The following JAM2 variants were observed in gnomAD, a reference collection of about 807,000 sequenced individuals.
JAM2 encodes the protein junctional adhesion molecule B.
Under a neutral mutation model 42.0 loss-of-function variants are expected in JAM2, and 17 were observed. The observed-to-expected ratio is 0.40, with a 90% confidence interval of 0.28 to 0.61. The LOEUF (loss-of-function observed/expected upper bound fraction) is 0.61, where lower values mean the gene tolerates loss of function less well. Ranked by LOEUF, JAM2 falls within the 20% of genes least tolerant of loss-of-function variation. The pLI is 0.37. For missense variants in JAM2, 319 were observed against 358.3 expected (o/e 0.89, Z 0.89); for synonymous variants, 118 against 128.6 (o/e 0.92, Z 0.56).
chr21:25,697,173 T>C (rs2034056990), intron 4 of JAM2, among the ~76,000 whole-genome samples: 1 of 152,070 alleles, frequency 6.6e-6, no homozygotes, highest in Admixed American at 6.5e-5. Context: ...TATCTGACTT[T>C]TCCTTCTGTA....
chr21:25,679,505 G>A (rs2033578465), intron 1 of JAM2, among the ~76,000 whole-genome samples: 1 of 152,160 alleles, frequency 6.6e-6, no homozygotes, highest in African/African-American at 2.4e-5. Context: ...CATCACTTGG[G>A]GGCATGGTGA....
chr21:25,642,774 T>C (rs1263361309), intron 1 of JAM2, among the ~76,000 whole-genome samples: 1 of 152,220 alleles, frequency 6.6e-6, no homozygotes, highest in Non-Finnish European at 1.5e-5. Context: ...TAATAGTAGG[T>C]ATAAATATAT....
At chr21:25,684,672 T>C (rs1232411265) in intron 2 of JAM2, among the ~76,000 whole-genome samples, 1 of 152,172 alleles carries the variant, frequency 6.6e-6, no homozygotes, top group Non-Finnish European at 1.5e-5. Flanking sequence ...TGGCATGATC[T>C]CGGCTCACCG....
chr21:25,694,683 AT>A (rs765331972), intron 4 of JAM2, among the ~76,000 whole-genome samples: 15 of 151,710 alleles, frequency 9.9e-5, no homozygotes, highest in African/African-American at 2.2e-4. Context: ...CTAAAAAAAA[AT>A]AAATAAAAAG....
At chr21:25,694,658 C>T (rs2033956237) in intron 4 of JAM2, among the ~76,000 whole-genome samples, 1 of 151,800 alleles carries the variant, frequency 6.6e-6, no homozygotes, top group African/African-American at 2.4e-5. Context: ...TAGTGAGTCC[C>T]CTATATCGCT....
chr21:25,694,978 C>CT (rs369880449), intron 4 of JAM2, among the ~76,000 whole-genome samples: 27,402 of 141,674 alleles, frequency 0.19, 2,626 homozygotes, highest in South Asian at 0.27. Flanking sequence ...CTTTTTCTTT[C>CT]TTTTTTTTTT....
chr21:25,706,528 T>C (rs909694717), intron 7 of JAM2, among the ~76,000 whole-genome samples: 28 of 152,256 alleles, frequency 1.8e-4, no homozygotes, highest in East Asian at 9.6e-4. Flanking sequence ...TGTTCATTTA[T>C]TTTCTGCTAT....
rs558428645 is a variant in JAM2, at chr21:25,716,637, C to T, written c.*1965C>T. Reference sequence around the variant, plus strand: ...ACTACTTGACTCTGCCATTGTAGCACAAAGGCAGCCACAGACAAAACAAGC... The same window carrying T: ...ACTACTTGACTCTGCCATTGTAGCATAAAGGCAGCCACAGACAAAACAAGC... On this transcript the variant is annotated 3_prime_UTR_variant, in exon 10 of 10. Coordinates refer to ENST00000480456, the MANE Select transcript of JAM2 (RefSeq NM_021219.4). 1 of 152,318 alleles carries T rather than the reference C, an allele frequency of 6.6e-6. No individual in the cohort carries two copies. The highest frequency in any genetic ancestry group is 2.4e-5 in the African/African-American group (1 of 41,578). 9.4% of individuals were successfully genotyped at this position (152,318 alleles called of 1,614,324 possible).
At chr21:25,655,210 T>G (rs549392653) in intron 1 of JAM2, among the ~76,000 whole-genome samples, 1 of 152,130 alleles carries the variant, frequency 6.6e-6, no homozygotes, top group Admixed American at 6.5e-5. Context: ...CTTTATAACT[T>G]TAATCTGGAT....
chr21:25,706,754 T>G lies in JAM2; in HGVS notation c.805+668T>G, dbSNP rs570947510. On this transcript the variant is annotated intron_variant, in intron 7 of 9. Coordinates refer to ENST00000480456, the MANE Select transcript of JAM2 (RefSeq NM_021219.4). ...TTTTAAGATTTTTTTTTGTTTGTTTTTTTGAGACGGAGTCTCACTGTGTCG... is the reference window on the plus strand; with the variant it reads ...TTTTAAGATTTTTTTTTGTTTGTTTGTTTGAGACGGAGTCTCACTGTGTCG... 3.3e-5 allele frequency among the ~76,000 whole-genome samples: 5 copies of G among 152,298 alleles called. No individual in the cohort carries two copies. The East Asian group carries it at 5.8e-4, about 18-fold the overall frequency.
intron 5 of JAM2, among the ~76,000 whole-genome samples, chr21:25,701,127 C>T (rs975578238): frequency 6.6e-6 from 1 of 152,168 alleles, no homozygotes; most frequent in African/African-American, 2.4e-5. Flanking sequence ...TTTTAATTAC[C>T]AGCTATAATA....
At chr21:25,677,647 T>A (rs2033529902) in intron 1 of JAM2, among the ~76,000 whole-genome samples, 1 of 152,112 alleles carries the variant, frequency 6.6e-6, no homozygotes. Context: ...CAGTAGGCAG[T>A]GTGATGTTTG....
rs112356239 is a variant in JAM2 at position 25,682,902 on chromosome 21, A to G, written c.68-981A>G. ...CCCAGTCGAACTCCTCTCGGTGTTC[A>G]GACGTCTCTCCTCATCTATCTTTCT... is the stretch of plus-strand genomic sequence containing the variant. On this transcript the variant is annotated intron_variant, in intron 1 of 9. Coordinates refer to ENST00000480456, the MANE Select transcript of JAM2 (RefSeq NM_021219.4). Among the ~76,000 whole-genome samples, 779 of 152,108 alleles carry G rather than the reference A, an allele frequency of 5.1e-3. 8 individuals carry two copies. Among genetic ancestry groups the G allele is most frequent in the African/African-American group, 0.018 (750 of 41,490 alleles).
chr21:25,680,997 G>A (rs1162028186), intron 1 of JAM2, among the ~76,000 whole-genome samples: 1 of 152,184 alleles, frequency 6.6e-6, no homozygotes, highest in Non-Finnish European at 1.5e-5. Flanking sequence ...CGTTAGATAT[G>A]CCAACAGATA....
chr21:25,716,051 A>C lies in JAM2; in HGVS notation c.*1379A>C, dbSNP rs969816147. 1 of 147,774 alleles carries C rather than the reference A, an allele frequency of 6.8e-6. No homozygotes were observed. Among genetic ancestry groups the C allele is most frequent in the Non-Finnish European group, 1.5e-5 (1 of 67,620 alleles). The allele number at this position is 147,774 out of a possible 1,614,324, so 9.2% of individuals were successfully genotyped here. On this transcript the variant is annotated 3_prime_UTR_variant, in exon 10 of 10. Transcript: ENST00000480456. ...GCCCAGGCTGGAGTACAGTGGCACA[A>C]TCTTGGCTCACTGCAACCTCCGCCT...
At chr21:25,656,758 G>A (rs1042385666) in intron 1 of JAM2, among the ~76,000 whole-genome samples, 5 of 152,184 alleles carry the variant, frequency 3.3e-5, no homozygotes, top group Non-Finnish European at 7.3e-5. Context: ...TAGAGTGGAA[G>A]CAAGATTGCA....
At chr21:25,699,941 C>A (rs2034131178) in intron 5 of JAM2, among the ~76,000 whole-genome samples, 1 of 151,946 alleles carries the variant, frequency 6.6e-6, no homozygotes, top group Non-Finnish European at 1.5e-5. Flanking sequence ...AAAATAGTAA[C>A]TGTAGTCAAT....
intron 1 of JAM2, among the ~76,000 whole-genome samples, chr21:25,664,623 G>A (rs978341757): frequency 8.5e-5 from 13 of 152,200 alleles, no homozygotes; most frequent in African/African-American, 2.4e-4. Flanking sequence ...CTGCCATTCC[G>A]TGATTTCCAT....
rs2034451082 is a variant in JAM2, at chr21:25,714,839, A to G, written c.*167A>G. On this transcript the variant is annotated 3_prime_UTR_variant, in exon 10 of 10. Coordinates refer to ENST00000480456, the MANE Select transcript of JAM2 (RefSeq NM_021219.4). ...AACTCACCTGAACTTGCTATTTTAA[A>G]CAAATAGTTCTGTCGACACCTAAAA... 2.1e-6 allele frequency: 1 copy of G among 485,688 alleles called. No homozygotes were observed. Among genetic ancestry groups the G allele is most frequent in the African/African-American group, 2.0e-5 (1 of 49,222 alleles). The allele number at this position is 485,688 out of a possible 1,614,324, so 30.1% of individuals were successfully genotyped here.
Sources: gnomAD v4.1 joint callset for allele counts (sites outside exome capture counted in the v4.1 genomes callset) on GRCh38, gnomAD v4.1.1 for gene constraint, MANE v1.5 for transcripts, NCBI Gene and HGNC (gene_info 2026-07-23, HGNC 2026-07-21) for gene names.